The following GLP2R variants were observed in gnomAD, a reference collection of about 807,000 sequenced individuals.
GLP2R encodes glucagon like peptide 2 receptor.
In GLP2R, 59 loss-of-function variants were observed where a neutral mutation model predicts 68.2. That is an observed-to-expected ratio of 0.87 (90% confidence interval 0.70 to 1.07). GLP2R has a LOEUF of 1.07. Ranked by LOEUF, GLP2R falls within the 50% of genes least tolerant of loss-of-function variation. The probability of loss-of-function intolerance (pLI) is 0.00; values close to 1 mark genes in which losing one functional copy is unlikely to be tolerated. For synonymous variants in GLP2R, 270 were observed against 265.4 expected (o/e 1.02, Z -0.17); for missense variants, 548 against 677.4 (o/e 0.81, Z 2.12).
intron 4 of GLP2R, chr17:9,852,761 CT>C: frequency 4.0e-6 from 1 of 252,494 alleles, no homozygotes; most frequent in Non-Finnish European, 7.7e-6. Flanking sequence ...TCCACTGCTG[CT>C]TTTTCTTCAG....
intron 4 of GLP2R, among the ~76,000 whole-genome samples, chr17:9,849,006 T>C (rs146390124): frequency 2.5e-4 from 35 of 139,986 alleles, no homozygotes; most frequent in East Asian, 6.0e-4. Flanking sequence ...AGTGCGTCTA[T>C]TCTTAAATAC....
In GLP2R at chr17:9,854,557, T is replaced by C. The variant is rs571573803; in HGVS notation, c.567T>C (p.Ser189=). ...TGTACACCGTGGGATACTCCTTCTCTCTTATCTCCCTCTTCCTGGCTCTCA... is the reference window on the plus strand; with the variant it reads ...TGTACACCGTGGGATACTCCTTCTCCCTTATCTCCCTCTTCCTGGCTCTCA... ...QLMYTVGYSF[S]LISLFLALTL... The change falls in exon 5 of 13, where the codon TCT becomes TCC. Residue 189 remains serine, a synonymous_variant. Transcript: ENST00000262441. The C allele has an allele frequency of 6.2e-7, 1 of 1,612,262 alleles. No homozygotes were observed. Among genetic ancestry groups the C allele is most frequent in the African/African-American group, 1.3e-5 (1 of 75,018 alleles).
rs369507014 is a variant in GLP2R at position 9,854,491 on chromosome 17, T to C, written c.505-4T>C. The C allele has an allele frequency of 1.1e-5, 18 of 1,575,846 alleles. No homozygotes were observed. In the African/African-American group the frequency reaches 2.2e-4, roughly 19 times the overall value. On this transcript the variant is annotated splice_region_variant and splice_polypyrimidine_tract_variant and intron_variant, in intron 4 of 12. Coordinates refer to ENST00000262441, the MANE Select transcript of GLP2R (RefSeq NM_004246.3). Reference sequence around the variant, plus strand: ...GGTCATGTCTGCTCTTCCTCTGTGTTCAGGTGGATCGTTATGCCTTGCTGT... The same window carrying C: ...GGTCATGTCTGCTCTTCCTCTGTGTCCAGGTGGATCGTTATGCCTTGCTGT...
chr17:9,887,352 C>T (rs963446909), intron 11 of GLP2R, among the ~76,000 whole-genome samples: 1 of 152,082 alleles, frequency 6.6e-6, no homozygotes, highest in Non-Finnish European at 1.5e-5. Flanking sequence ...CATGGTGAAA[C>T]CCCGTCTGTA....
At chr17:9,830,132 C>T (rs7207982) in intron 1 of GLP2R, among the ~76,000 whole-genome samples, 19,469 of 152,198 alleles carry the variant, frequency 0.13, 1,733 homozygotes, top group Non-Finnish European at 0.2. Context: ...CTGAGTTTGT[C>T]CAGCTCTCCT....
chr17:9,869,703 C>T (rs1414596270), intron 9 of GLP2R, among the ~76,000 whole-genome samples: 2 of 152,154 alleles, frequency 1.3e-5, no homozygotes, highest in Non-Finnish European at 2.9e-5. Context: ...AAAATGGTGG[C>T]TGACTTCCCC....
intron 10 of GLP2R, among the ~76,000 whole-genome samples, chr17:9,876,553 G>C (rs2067143885): frequency 6.6e-6 from 1 of 152,196 alleles, no homozygotes; most frequent in African/African-American, 2.4e-5. Flanking sequence ...TCAGAAATAA[G>C]GACGTTCCTT....
intron 1 of GLP2R, among the ~76,000 whole-genome samples, chr17:9,829,806 C>A (rs2066664407): frequency 6.6e-6 from 1 of 152,182 alleles, no homozygotes; most frequent in Non-Finnish European, 1.5e-5. Flanking sequence ...CACCTTCTCC[C>A]CTTTTTGCAT....
chr17:9,870,060 C>T (rs1160186502), intron 9 of GLP2R, among the ~76,000 whole-genome samples: 1 of 152,134 alleles, frequency 6.6e-6, no homozygotes, highest in Non-Finnish European at 1.5e-5. Flanking sequence ...GCAACAGGAT[C>T]TCAAGTTAGA....
In GLP2R at chr17:9,854,499, A is replaced by G; in HGVS notation, c.509A>G (p.Asp170Gly). 6.3e-7 allele frequency: 1 copy of G among 1,595,170 alleles called. No homozygotes were observed. Among genetic ancestry groups the G allele is most frequent in the Non-Finnish European group, 8.6e-7 (1 of 1,162,684 alleles). Residue 170 changes from aspartate (D) to glycine (G), a missense_variant, in exon 5 of 13, where the codon GAT becomes GGT. Coordinates refer to ENST00000262441, the MANE Select transcript of GLP2R (RefSeq NM_004246.3). ...SENHSFKQNV[D>G]RYALLSTLQL... is the part of the protein sequence containing the mutation. ...CTGCTCTTCCTCTGTGTTCAGGTGG[A>G]TCGTTATGCCTTGCTGTCAACCTTG...
At chr17:9,848,742 C>CA (rs950481860) in intron 4 of GLP2R, among the ~76,000 whole-genome samples, 2 of 151,826 alleles carry the variant, frequency 1.3e-5, no homozygotes, top group African/African-American at 4.8e-5. Context: ...AAATTTTGCC[C>CA]AAAAAAGGCC....
At chr17:9,877,660 C>T (rs929665435) in intron 10 of GLP2R, among the ~76,000 whole-genome samples, 1 of 151,952 alleles carries the variant, frequency 6.6e-6, no homozygotes, top group African/African-American at 2.4e-5. Context: ...GAGGCCGAGG[C>T]GGGCGGATCA....
At chr17:9,875,284 G>C (rs910555517) in intron 10 of GLP2R, among the ~76,000 whole-genome samples, 3 of 152,122 alleles carry the variant, frequency 2.0e-5, no homozygotes, top group Non-Finnish European at 2.9e-5. Context: ...TCAGCTCACA[G>C]TGCCCTCTTC....
chr17:9,850,172 A>G lies in GLP2R; in HGVS notation c.505-4323A>G, dbSNP rs530119503. Reference sequence around the variant, plus strand: ...TAGGAAGCTTCTCATAAAGGTGTCTAAGTGACATAAGATTCACCTGTTGGT... The same window carrying G: ...TAGGAAGCTTCTCATAAAGGTGTCTGAGTGACATAAGATTCACCTGTTGGT... On this transcript the variant is annotated intron_variant, in intron 4 of 12. Transcript: ENST00000262441. Among the ~76,000 whole-genome samples, 6 of 152,306 alleles carry G rather than the reference A, an allele frequency of 3.9e-5. No individual in the cohort carries two copies. In the South Asian group the frequency reaches 8.3e-4, roughly 21 times the overall value.
chr17:9,856,640 C>T (rs189014568), intron 5 of GLP2R, among the ~76,000 whole-genome samples: 128 of 152,290 alleles, frequency 8.4e-4, no homozygotes, highest in African/African-American at 3.0e-3. Flanking sequence ...CATTCCACAA[C>T]CCCTGGAGGT....
chr17:9,887,493 C>G (rs548358227), intron 11 of GLP2R, among the ~76,000 whole-genome samples: 1 of 152,320 alleles, frequency 6.6e-6, no homozygotes, highest in East Asian at 1.9e-4. Flanking sequence ...AGCCACTGCA[C>G]TCTAGCCTGG....
intron 11 of GLP2R, among the ~76,000 whole-genome samples, chr17:9,882,543 T>C (rs2067206396): frequency 6.6e-6 from 1 of 152,030 alleles, no homozygotes; most frequent in African/African-American, 2.4e-5. Context: ...TCTGCACACA[T>C]ACAGAGGAAA....
intron 4 of GLP2R, among the ~76,000 whole-genome samples, chr17:9,846,920 T>A (rs773118458): frequency 6.6e-6 from 1 of 152,186 alleles, no homozygotes; most frequent in Admixed American, 6.5e-5. Flanking sequence ...GACCAAGATT[T>A]GTTTGTTCTG....
intron 10 of GLP2R, among the ~76,000 whole-genome samples, chr17:9,873,831 G>T (rs2067120079): frequency 6.6e-6 from 1 of 151,990 alleles, no homozygotes; most frequent in Non-Finnish European, 1.5e-5. Flanking sequence ...ACAGAAAGGT[G>T]GCCAACGAAA....
Sources: allele counts gnomAD v4.1 joint callset (sites outside exome capture counted in the v4.1 genomes callset), GRCh38; gene constraint gnomAD v4.1.1; transcripts MANE v1.5; gene names NCBI Gene and HGNC (gene_info 2026-07-23, HGNC 2026-07-21).